The following ACSM3 variants were observed in gnomAD, a reference collection of about 807,000 sequenced individuals.
The protein encoded by ACSM3 is acyl-CoA synthetase medium chain family member 3, also known as acyl-coenzyme A synthetase ACSM3, mitochondrial.
Under a neutral mutation model 74.1 loss-of-function variants are expected in ACSM3, and 61 were observed. The ratio of observed to expected loss-of-function variants is 0.82; its 90% confidence interval spans 0.67 to 1.02. The LOEUF (loss-of-function observed/expected upper bound fraction) is 1.02. Among genes scored for constraint, ACSM3 ranks in the 50% least tolerant of loss-of-function variants. The pLI is 0.00. For missense variants in ACSM3, 660 were observed against 697.0 expected, an observed-to-expected ratio of 0.95 and a Z score of 0.60; for synonymous variants, 213 against 241.5, an observed-to-expected ratio of 0.88 and a Z score of 1.09.
At chr16:20,757,393 A>C (rs1596502289) in intron 3 of ACSM3, among the ~76,000 whole-genome samples, 1 of 151,512 alleles carries the variant, frequency 6.6e-6, no homozygotes, top group East Asian at 1.9e-4. Flanking sequence ...TTCTCTTTGA[A>C]GCAATTGTGA....
chr16:20,711,383 C>A (rs1390538212), intron 1 of ACSM3: 2 of 474,368 alleles, frequency 4.2e-6, no homozygotes, highest in Admixed American at 5.9e-5. Context: ...GATTGTAATG[C>A]TCCTCCTCAC....
At chr16:20,695,680 C>CT (rs1555479363) in intron 1 of ACSM3, among the ~76,000 whole-genome samples, 7 of 150,910 alleles carry the variant, frequency 4.6e-5, no homozygotes, top group Non-Finnish European at 7.4e-5. Context: ...ATCTATCTAT[C>CT]ATCTATCTAT....
chr16:20,707,910 T>C (rs1190707247), intron 1 of ACSM3, among the ~76,000 whole-genome samples: 1 of 152,170 alleles, frequency 6.6e-6, no homozygotes, highest in Non-Finnish European at 1.5e-5. Flanking sequence ...ATGAATTGTC[T>C]GAAAAAAATT....
In ACSM3 at chr16:20,781,425, T is replaced by C. The variant is rs540394855; in HGVS notation, c.940-283T>C. Among the ~76,000 whole-genome samples the C allele has an allele frequency of 5.5e-4, 84 of 152,254 alleles. No individual in the cohort carries two copies. The South Asian group carries it at 0.016, about 30-fold the overall frequency. ...AAATACCATGTAACAAATATATACATAGCATTTACATTGTTTTAGGCAGTA... is the reference window on the plus strand; with the variant it reads ...AAATACCATGTAACAAATATATACACAGCATTTACATTGTTTTAGGCAGTA... On this transcript the variant is annotated intron_variant, in intron 6 of 13. Transcript: ENST00000289416.
chr16:20,778,580 G>A (rs1052071759), intron 4 of ACSM3, among the ~76,000 whole-genome samples: 24 of 152,138 alleles, frequency 1.6e-4, no homozygotes, highest in African/African-American at 5.8e-4. Flanking sequence ...GCTGAATAAG[G>A]TCAAATGCTA....
Position 20,691,994 on chromosome 16 carries a change from T to C in ACSM3, c.-190+17172T>C, listed in dbSNP as rs1036266979. On this transcript the variant is annotated intron_variant, in intron 1 of 3. Coordinates refer to the ACSM3 transcript ENST00000561584. ...CAGTCATTCAAGTCCCTGGTTCAAA[T>C]TGTTCCTCTGCATGTCTGCCCCTGT... 2.0e-5 allele frequency among the ~76,000 whole-genome samples: 3 copies of C among 152,124 alleles called. No homozygotes were observed. The South Asian group carries it at 6.2e-4, about 32-fold the overall frequency.
chr16:20,755,667 G>A, intron 3 of ACSM3: 1 of 125,464 alleles, frequency 8.0e-6, no homozygotes, highest in Admixed American at 7.9e-5. Context: ...TAAGTTTTAG[G>A]GTACATGTGC....
chr16:20,674,530 G>C (rs1362042698), upstream of ACSM3: 4 of 153,112 alleles, frequency 2.6e-5, no homozygotes, highest in Non-Finnish European at 5.8e-5. Context: ...ATCTGACTGG[G>C]TTGGCTGGTG....
rs1469321980 is a variant in ACSM3, at chr16:20,796,401, A to G, written c.1586A>G (p.Asp529Gly). Residue 529 changes from aspartate to glycine, a missense_variant, in exon 13 of 14, where the codon GAT becomes GGT. Asp to Gly is a moderately conservative substitution (Grantham distance 94). Transcript: ENST00000289416. ...VVKAFVVLNP[D>G]YKSHDQEQLI... is the part of the protein sequence containing the mutation. ...AAGGCTTTTGTCGTTCTAAATCCTGATTACAAGTCACATGATCAAGAACAA... is the reference window on the plus strand; with the variant it reads ...AAGGCTTTTGTCGTTCTAAATCCTGGTTACAAGTCACATGATCAAGAACAA... 6 of 1,613,616 alleles carry G rather than the reference A, an allele frequency of 3.7e-6. No homozygotes were observed. In the African/African-American group the frequency reaches 6.7e-5, roughly 18 times the overall value.
At chr16:20,759,559 CAAAAAAAAAAAA>C (rs35117717), upstream of ACSM3, among the ~76,000 whole-genome samples, 1 of 76,156 alleles carries the variant, frequency 1.3e-5, no homozygotes, top group Non-Finnish European at 2.7e-5. Flanking sequence ...GACTCCATCT[CAAAAAAAAAAAA>C]AAAAAAAGGG....
chr16:20,733,104 T>C (rs1372560886), intron 1 of ACSM3: 2 of 152,198 alleles, frequency 1.3e-5, no homozygotes, highest in African/African-American at 4.8e-5. Flanking sequence ...GTTTAAGTTT[T>C]TGTTTTCTAC....
At chr16:20,787,232 G>A (rs553004131) in intron 9 of ACSM3, among the ~76,000 whole-genome samples, 1 of 152,346 alleles carries the variant, frequency 6.6e-6, no homozygotes, top group Non-Finnish European at 1.5e-5. Context: ...AGTCACAAAT[G>A]CATGGCTGAC....
At chr16:20,760,013 C>T (rs190697310), upstream of ACSM3, among the ~76,000 whole-genome samples, 7 of 152,136 alleles carry the variant, frequency 4.6e-5, no homozygotes, top group East Asian at 1.9e-4. Flanking sequence ...CAGGGGGTGG[C>T]GGGGACAGAC....
chr16:20,753,462 CAAA>C (rs36090074), intron 2 of ACSM3, among the ~76,000 whole-genome samples: 5 of 101,596 alleles, frequency 4.9e-5, no homozygotes, highest in Admixed American at 2.3e-4. Flanking sequence ...AGACTGTCTC[CAAA>C]AAAAAAAAAA....
intron 1 of ACSM3, among the ~76,000 whole-genome samples, chr16:20,716,873 C>T (rs140655052): frequency 6.6e-6 from 1 of 152,326 alleles, no homozygotes; most frequent in African/African-American, 2.4e-5. Context: ...ATCACCCCAA[C>T]AGGGATAAAA....
chr16:20,688,550 A>G (rs2079594924), intron 1 of ACSM3, among the ~76,000 whole-genome samples: 1 of 152,170 alleles, frequency 6.6e-6, no homozygotes, highest in Admixed American at 6.5e-5. Flanking sequence ...CTCATGTACA[A>G]GAGATTCTCA....
At position 20,780,783 on chromosome 16, in the gene ACSM3, T is replaced by A. The variant is rs1596522394; in HGVS notation, c.708T>A (p.Ser236Arg). The change falls in exon 5 of 14, where the codon AGT (serine) becomes AGA (arginine). Residue 236 changes from serine to arginine, a missense_variant. Physicochemically the swap from Ser to Arg is moderately radical, Grantham distance 110. Transcript: ENST00000289416. The part of the protein sequence containing the change: ...HNEIMAIFFT[S>R]GTSGYPKMTA... ...AGATCATGGCCATATTCTTTACCAGTGGAACAAGTGGATATCCGAAAATGA... is the reference window on the plus strand; with the variant it reads ...AGATCATGGCCATATTCTTTACCAGAGGAACAAGTGGATATCCGAAAATGA... The A allele has an allele frequency of 1.2e-6, 2 of 1,614,198 alleles. No individual in the cohort carries two copies. The highest frequency in any genetic ancestry group is 4.5e-5 in the East Asian group (2 of 44,890).
In ACSM3 at chr16:20,717,919, AAGG is replaced by A. The variant is rs1369282493; in HGVS notation, c.-189-31985_-189-31983del. Among the ~76,000 whole-genome samples, 10 of 132,450 alleles carry A rather than the reference AAGG, an allele frequency of 7.6e-5. 1 individual carries two copies. Among genetic ancestry groups the A allele is most frequent in the African/African-American group, 2.6e-4 (10 of 38,730 alleles). 86.9% of individuals were successfully genotyped at this position (132,450 alleles called of 152,430 possible). On this transcript the variant is annotated intron_variant, in intron 1 of 3. Coordinates refer to the ACSM3 transcript ENST00000561584. ...GGAGAAGGAGGAAAAAAAGAAGAAG[AAGG>A]AGGAGAAGGAGAAGGAGAAGAGGAA...
At chr16:20,692,081 C>T (rs1288908132) in intron 1 of ACSM3, among the ~76,000 whole-genome samples, 1 of 152,186 alleles carries the variant, frequency 6.6e-6, no homozygotes, top group Non-Finnish European at 1.5e-5. Flanking sequence ...GACTGGGTTT[C>T]TGTCACTTGA....
Sources: gnomAD v4.1 joint callset for allele counts (sites outside exome capture counted in the v4.1 genomes callset) on GRCh38, gnomAD v4.1.1 for gene constraint, MANE v1.5 for transcripts, NCBI Gene and HGNC (gene_info 2026-07-23, HGNC 2026-07-21) for gene names.